TRIB3: variants seen among roughly 807,000 people sequenced by gnomAD.
TRIB3 encodes tribbles homolog 3.
TRIB3 carries 20 observed loss-of-function variants against 16.6 expected under a neutral mutation model. The ratio of observed to expected loss-of-function variants is 1.20; its 90% CI spans 0.85 to 1.75. The LOEUF (loss-of-function observed/expected upper bound fraction) is 1.75, where lower values mean the gene tolerates loss of function less well. TRIB3 is among the 40% of genes most tolerant of loss of function. The pLI is 0.00. For missense variants in TRIB3, 484 were observed against 488.9 expected (o/e 0.99, Z 0.10); for synonymous variants, 208 against 217.0 (o/e 0.96, Z 0.36).
intron 1 of TRIB3, among the ~76,000 whole-genome samples, chr20:387,210 A>G (rs1339513746): frequency 2.0e-5 from 3 of 152,022 alleles, no homozygotes; most frequent in Non-Finnish European, 2.9e-5. Context: ...CCATCTCTAC[A>G]AAGAATAAAA....
chr20:384,321 A>G (rs920081172), intron 1 of TRIB3, among the ~76,000 whole-genome samples: 28 of 152,158 alleles, frequency 1.8e-4, no homozygotes, highest in African/African-American at 6.8e-4. Flanking sequence ...GCTGTAATAT[A>G]GAAACAGCCA....
At chr20:383,301 A>G (rs1467182555) in intron 1 of TRIB3, among the ~76,000 whole-genome samples, 1 of 152,252 alleles carries the variant, frequency 6.6e-6, no homozygotes, top group Non-Finnish European at 1.5e-5. Context: ...CTGTAATTAT[A>G]GACAGCCAAT....
Position 391,337 on chromosome 20 carries a change from G to A in TRIB3, c.342G>A (p.Leu114=), listed in dbSNP as rs766724416. 4.3e-6 allele frequency: 7 copies of A among 1,613,344 alleles called. No individual in the cohort carries two copies. In the East Asian group the frequency reaches 1.3e-4, roughly 31 times the overall value. ...ALAVLEPYAR[L]PPHKHVARPT... is the part of the protein sequence containing the mutation. ...CCGTGCTGGAGCCCTATGCGCGGCT[G>A]CCCCCGCACAAGCATGTGGCTCGGC... The change falls in exon 3 of 4, where the codon CTG becomes CTA. Residue 114 remains leucine, a synonymous_variant. Coordinates refer to ENST00000217233, the MANE Select transcript of TRIB3 (RefSeq NM_021158.5).
chr20:383,868 C>T (rs956591004), intron 1 of TRIB3, among the ~76,000 whole-genome samples: 3 of 152,182 alleles, frequency 2.0e-5, no homozygotes, highest in Non-Finnish European at 4.4e-5. Context: ...CTTTTCATGA[C>T]ACTGCCAAGA....
At chr20:391,180 GATGCCTAGCACAT>G in intron 2 of TRIB3, 94 bp from the exon 3 acceptor site, 1 of 1,263,620 alleles carries the variant, frequency 7.9e-7, no homozygotes, top group South Asian at 1.3e-5. Flanking sequence ...CGCTTGGTGC[GATGCCTAGCACAT>G]GGTAGTGTCT....
chr20:381,731 C>T (rs2014656944), intron 1 of TRIB3, among the ~76,000 whole-genome samples: 1 of 128,228 alleles, frequency 7.8e-6, no homozygotes, highest in African/African-American at 2.8e-5. Context: ...CGGGACAGGG[C>T]TGGGGTGCCC....
At position 389,345 on chromosome 20, in the gene TRIB3, C is replaced by T. The variant is rs533937800; in HGVS notation, c.291+1044C>T. Among the ~76,000 whole-genome samples, 7 of 152,252 alleles carry T rather than the reference C, an allele frequency of 4.6e-5. No homozygotes were observed. In the East Asian group the frequency reaches 1.2e-3, roughly 25 times the overall value. ...CCCGTGCTAGGATAAGCGTTTCACA[C>T]AATCAGGGCAGGCTGCCCTGGCAGG... On this transcript the variant is annotated intron_variant, in intron 2 of 3. Coordinates refer to ENST00000217233, the MANE Select transcript of TRIB3 (RefSeq NM_021158.5).
rs766581672 is a variant in TRIB3 at position 396,553 on chromosome 20, T to A, written c.940T>A (p.Trp314Arg). Reference sequence around the variant, plus strand: ...AGCCACAGGCATCCTCCTGCACCCCTGGCTGCGACAGGACCCGATGCCCTT... The same window carrying A: ...AGCCACAGGCATCCTCCTGCACCCCAGGCTGCGACAGGACCCGATGCCCTT... ...LTATGILLHP[W>R]LRQDPMPLAP... The change falls in exon 4 of 4, where the codon TGG (tryptophan) becomes AGG (arginine). Residue 314 changes from tryptophan to arginine, a missense_variant. Transcript: ENST00000217233. 1 of 1,613,152 alleles carries A rather than the reference T, an allele frequency of 6.2e-7. No individual in the cohort carries two copies. Among genetic ancestry groups the A allele is most frequent in the Non-Finnish European group, 8.5e-7 (1 of 1,180,026 alleles).
At chr20:381,823 G>A (rs2122651805) in intron 1 of TRIB3, among the ~76,000 whole-genome samples, 1 of 152,300 alleles carries the variant, frequency 6.6e-6, no homozygotes. Context: ...TCTCCCCAGT[G>A]CGCGGCTCCG....
chr20:395,425 T>A (rs1260443511), intron 3 of TRIB3, among the ~76,000 whole-genome samples: 1 of 152,036 alleles, frequency 6.6e-6, no homozygotes, highest in Non-Finnish European at 1.5e-5. Context: ...CCTCCCAAAG[T>A]GCTAGGATTA....
At chr20:383,336 A>G (rs1266069139) in intron 1 of TRIB3, among the ~76,000 whole-genome samples, 1 of 152,246 alleles carries the variant, frequency 6.6e-6, no homozygotes, top group African/African-American at 2.4e-5. Context: ...GGGCTGCAGG[A>G]ATAACTGTGT....
In TRIB3 at chr20:396,192, T is replaced by C; in HGVS notation, c.585-6T>C. On this transcript the variant is annotated splice_region_variant and splice_polypyrimidine_tract_variant and intron_variant, in intron 3 of 3. Transcript: ENST00000217233. ...CCTGACCCTTCTGTTTCTCCCCATG[T>C]CCCAGGAAGAAGCTGGTGCTGGAGA... 6.2e-7 allele frequency: 1 copy of C among 1,604,700 alleles called. No individual in the cohort carries two copies. The highest frequency in any genetic ancestry group is 8.5e-7 in the Non-Finnish European group (1 of 1,173,086).
chr20:393,124 C>T (rs1164762033), intron 3 of TRIB3, among the ~76,000 whole-genome samples: 2 of 95,912 alleles, frequency 2.1e-5, no homozygotes, highest in African/African-American at 1.0e-4. Flanking sequence ...CAGTGCTCTC[C>T]AATGTTAACA....
chr20:388,324 C>T, intron 2 of TRIB3, 23 bp downstream of exon 2: 3 of 1,579,184 alleles, frequency 1.9e-6, no homozygotes, highest in Non-Finnish European at 2.6e-6. Context: ...GGGCGGCTGT[C>T]CCCCAGCACC....
intron 1 of TRIB3, among the ~76,000 whole-genome samples, chr20:381,767 G>T (rs2014659009): frequency 6.6e-6 from 1 of 152,140 alleles, no homozygotes; most frequent in Admixed American, 6.5e-5. Context: ...GAGGGAGTGG[G>T]AGCGGGGGCG....
Position 396,883 on chromosome 20 carries a change from CAGGTG to C in TRIB3, c.*194_*198del, listed in dbSNP as rs2015146069. On this transcript the variant is annotated 3_prime_UTR_variant, in exon 4 of 4. Coordinates refer to ENST00000217233, the MANE Select transcript of TRIB3 (RefSeq NM_021158.5). ...ATGCAGTTCCTGCTTGGGTGCTTATCAGGTGCCAAGCCCTGTTCTCGGTGCTGGGA... is the reference window on the plus strand; with the variant it reads ...ATGCAGTTCCTGCTTGGGTGCTTATCCCAAGCCCTGTTCTCGGTGCTGGGA... 1.3e-6 allele frequency: 1 copy of C among 782,898 alleles called. No homozygotes were observed. Among genetic ancestry groups the C allele is most frequent in the Non-Finnish European group, 1.9e-6 (1 of 518,858 alleles). 48.5% of individuals were successfully genotyped at this position (782,898 alleles called of 1,614,324 possible). A position where few individuals can be genotyped will look rare whatever the true frequency, so the allele number is the denominator to read the frequency against.
At chr20:395,798 C>T (rs981005050) in intron 3 of TRIB3, among the ~76,000 whole-genome samples, 6 of 151,966 alleles carry the variant, frequency 3.9e-5, no homozygotes, top group South Asian at 2.1e-4. Flanking sequence ...CCCTAGAATG[C>T]GTTGTGTACC....
chr20:385,982 C>T (rs2014795178), intron 1 of TRIB3, among the ~76,000 whole-genome samples: 1 of 151,706 alleles, frequency 6.6e-6, no homozygotes, highest in South Asian at 2.1e-4. Context: ...CTCAGCCTCC[C>T]AAGTAGCTGG....
intron 2 of TRIB3, among the ~76,000 whole-genome samples, chr20:389,597 A>G (rs768418605): frequency 1.3e-5 from 2 of 152,170 alleles, no homozygotes; most frequent in Non-Finnish European, 2.9e-5. Context: ...CGCCCTTACC[A>G]GGTGCCCTAA....
Sources: gnomAD v4.1 joint callset for allele counts (sites outside exome capture counted in the v4.1 genomes callset) on GRCh38, gnomAD v4.1.1 for gene constraint, MANE v1.5 for transcripts, NCBI Gene and HGNC (gene_info 2026-07-23, HGNC 2026-07-21) for gene names.